Variants in NRXN3 observed in about 807,000 individuals in gnomAD.
The protein encoded by NRXN3 is neurexin 3, also known as neurexin III.
A neutral mutation model predicts 137.6 loss-of-function variants in NRXN3; 32 were observed. The ratio of observed to expected loss-of-function variants is 0.23; its 90% CI spans 0.18 to 0.31. The LOEUF (loss-of-function observed/expected upper bound fraction) is 0.31, where lower values mean the gene tolerates loss of function less well. NRXN3 is among the 10% of genes least tolerant of loss of function. The pLI is 1.00. For synonymous variants in NRXN3, 798 were observed against 784.5 expected (o/e 1.02, Z -0.29); for missense variants, 1,574 against 2,062.5 (o/e 0.76, Z 4.59).
At chr14:78,304,074 T>C (rs1233534473) in intron 4 of NRXN3, among the ~76,000 whole-genome samples, 1 of 152,178 alleles carries the variant, frequency 6.6e-6, no homozygotes, top group Non-Finnish European at 1.5e-5. Context: ...ATGTTAGTAA[T>C]GAAATCTCTC....
chr14:79,368,774 A>G (rs904494610), intron 15 of NRXN3, among the ~76,000 whole-genome samples: 3 of 152,226 alleles, frequency 2.0e-5, no homozygotes, highest in Admixed American at 6.5e-5. Flanking sequence ...GTCTGGAAAC[A>G]GAAAAGTTTA....
intron 8 of NRXN3, among the ~76,000 whole-genome samples, chr14:78,733,866 T>C (rs2098528469): frequency 6.6e-6 from 1 of 152,152 alleles, no homozygotes; most frequent in African/African-American, 2.4e-5. Flanking sequence ...GTACAAAGGC[T>C]AGCCTTCAAG....
At chr14:79,385,364 C>A (rs1370116348) in intron 15 of NRXN3, among the ~76,000 whole-genome samples, 1 of 151,656 alleles carries the variant, frequency 6.6e-6, no homozygotes, top group Non-Finnish European at 1.5e-5. Flanking sequence ...CCAATTTCAT[C>A]CATGTCCCTA....
At chr14:79,585,618 G>A (rs1490493830) in intron 16 of NRXN3, among the ~76,000 whole-genome samples, 1 of 148,166 alleles carries the variant, frequency 6.7e-6, no homozygotes, top group East Asian at 2.1e-4. Flanking sequence ...CCGGGAGGCG[G>A]AGGTTGCAGT....
At chr14:78,903,086 T>C (rs993299075) in intron 10 of NRXN3, among the ~76,000 whole-genome samples, 1 of 151,518 alleles carries the variant, frequency 6.6e-6, no homozygotes, top group Non-Finnish European at 1.5e-5. Context: ...ATTGCCTTGG[T>C]CATTCCCTTT....
At chr14:78,337,785 G>A (rs1417809721) in intron 4 of NRXN3, among the ~76,000 whole-genome samples, 12 of 152,156 alleles carry the variant, frequency 7.9e-5, no homozygotes, top group Non-Finnish European at 1.5e-5. Context: ...CTCCCAGGTG[G>A]TTGGCGACAT....
At chr14:78,806,190 A>G (rs902379708) in intron 9 of NRXN3, among the ~76,000 whole-genome samples, 10 of 151,854 alleles carry the variant, frequency 6.6e-5, no homozygotes, top group Admixed American at 5.3e-4. Flanking sequence ...AATTTTTTTT[A>G]CACCAAAGGA....
chr14:78,782,385 A>T (rs769540276), intron 8 of NRXN3, among the ~76,000 whole-genome samples: 13 of 152,210 alleles, frequency 8.5e-5, no homozygotes, highest in Admixed American at 6.5e-4. Flanking sequence ...CTAAAATCTT[A>T]CATCTCTGGG....
At chr14:79,846,306 C>T (rs2099371957) in intron 20 of NRXN3, among the ~76,000 whole-genome samples, 1 of 152,132 alleles carries the variant, frequency 6.6e-6, no homozygotes, top group African/African-American at 2.4e-5. Flanking sequence ...AAATAATTTG[C>T]TTTAATGCTG....
intron 4 of NRXN3, among the ~76,000 whole-genome samples, chr14:78,548,252 G>T (rs77020324): frequency 1.3e-5 from 2 of 151,926 alleles, no homozygotes; most frequent in Non-Finnish European, 2.9e-5. Flanking sequence ...ACTTTGATAA[G>T]CTATCTGGAT....
intron 15 of NRXN3, among the ~76,000 whole-genome samples, chr14:79,059,250 C>CTTTTTTT (rs869266975): frequency 1.4e-4 from 11 of 78,314 alleles, no homozygotes; most frequent in African/African-American, 2.6e-4. Flanking sequence ...AGGCCCTATT[C>CTTTTTTT]TTTTTTTTTT....
chr14:79,218,722 A>G (rs574271869), intron 15 of NRXN3, among the ~76,000 whole-genome samples: 1 of 152,204 alleles, frequency 6.6e-6, no homozygotes, highest in South Asian at 2.1e-4. Context: ...GGTTTATTTG[A>G]GAACAACAAC....
chr14:78,206,651 C>T (rs887688749), intron 1 of NRXN3, among the ~76,000 whole-genome samples: 2 of 152,158 alleles, frequency 1.3e-5, no homozygotes, highest in African/African-American at 4.8e-5. Context: ...GCCTGCACTC[C>T]TTCCCTGGAG....
intron 15 of NRXN3, among the ~76,000 whole-genome samples, chr14:79,448,755 A>T (rs1242225945): frequency 6.6e-6 from 1 of 152,148 alleles, no homozygotes; most frequent in East Asian, 1.9e-4. Flanking sequence ...GTATATACAT[A>T]CACACATACA....
At chr14:78,749,687 A>C (rs751699750) in intron 8 of NRXN3, among the ~76,000 whole-genome samples, 2 of 152,182 alleles carry the variant, frequency 1.3e-5, no homozygotes, top group Non-Finnish European at 2.9e-5. Flanking sequence ...GGCTTCAGAG[A>C]GGCTGGCTGA....
At chr14:79,646,031 G>GT (rs1228334521) in intron 16 of NRXN3, among the ~76,000 whole-genome samples, 1 of 136,106 alleles carries the variant, frequency 7.3e-6, no homozygotes, top group African/African-American at 2.4e-5. Context: ...AAGGAAGCCT[G>GT]TTAAGAGCAC....
intron 16 of NRXN3, among the ~76,000 whole-genome samples, chr14:79,528,291 C>T (rs75857800): frequency 0.062 from 9,498 of 152,152 alleles, 334 homozygotes; most frequent in Middle Eastern, 0.11. Context: ...ACAGTTGTTA[C>T]TATTATCATG....
At chr14:79,533,666 A>G (rs543542892) in intron 16 of NRXN3, among the ~76,000 whole-genome samples, 8 of 152,188 alleles carry the variant, frequency 5.3e-5, no homozygotes, top group African/African-American at 1.4e-4. Flanking sequence ...AAATTTTGGC[A>G]TATTGATTGT....
chr14:79,793,402 G>A (rs1391185769), intron 19 of NRXN3, among the ~76,000 whole-genome samples: 7 of 152,178 alleles, frequency 4.6e-5, no homozygotes, highest in African/African-American at 1.7e-4. Flanking sequence ...GCGACAGAGC[G>A]AGACTCCGTC....
Sources: allele counts gnomAD v4.1 joint callset (sites outside exome capture counted in the v4.1 genomes callset), GRCh38; gene constraint gnomAD v4.1.1; transcripts MANE v1.5; gene names NCBI Gene and HGNC (gene_info 2026-07-23, HGNC 2026-07-21).